The following FGD2 variants were observed in gnomAD, a reference collection of about 807,000 sequenced individuals.
FGD2 encodes FYVE, RhoGEF and PH domain containing 2.
Under a neutral mutation model 75.9 loss-of-function variants are expected in FGD2, and 52 were observed. The observed-to-expected ratio is 0.69, with a 90% CI of 0.55 to 0.86. The LOEUF (loss-of-function observed/expected upper bound fraction) is 0.86, where lower values mean the gene tolerates loss of function less well. Ranked by LOEUF, FGD2 falls within the 40% of genes least tolerant of loss-of-function variation. FGD2 has a pLI of 0.00. For synonymous variants in FGD2, 347 were observed against 348.6 expected, an observed-to-expected ratio of 1.00 and a Z score of 0.05; for missense variants, 790 against 872.0, an observed-to-expected ratio of 0.91 and a Z score of 1.18.
At chr6:37,010,264 T>C (rs1764943863) in intron 2 of FGD2, among the ~76,000 whole-genome samples, 1 of 152,210 alleles carries the variant, frequency 6.6e-6, no homozygotes, top group African/African-American at 2.4e-5. Flanking sequence ...GTCTCTGTTC[T>C]TGGCTTGAAG....
At chr6:37,007,350 G>A (rs985515158) in intron 1 of FGD2, among the ~76,000 whole-genome samples, 8 of 152,160 alleles carry the variant, frequency 5.3e-5, no homozygotes, top group Non-Finnish European at 1.2e-4. Context: ...GCCTCTCCCG[G>A]GATCTTTGCC....
intron 11 of FGD2, among the ~76,000 whole-genome samples, chr6:37,021,191 C>T (rs1765576184): frequency 6.6e-6 from 1 of 152,018 alleles, no homozygotes; most frequent in African/African-American, 2.4e-5. Flanking sequence ...CCTGCGTGTG[C>T]TCAGCTGCTC....
At chr6:37,018,881 G>A (rs1765433697) in intron 9 of FGD2, among the ~76,000 whole-genome samples, 1 of 152,202 alleles carries the variant, frequency 6.6e-6, no homozygotes, top group Non-Finnish European at 1.5e-5. Flanking sequence ...CAAACGTACT[G>A]TATGGACTAG....
intron 2 of FGD2, among the ~76,000 whole-genome samples, chr6:37,010,583 A>G (rs1272945919): frequency 2.0e-5 from 3 of 152,206 alleles, no homozygotes; most frequent in Non-Finnish European, 4.4e-5. Context: ...GGGCAGGGAC[A>G]GCCGGAAGAC....
intron 2 of FGD2, 102 bp downstream of exon 2, chr6:37,009,167 G>A (rs926904720): frequency 4.2e-6 from 5 of 1,178,540 alleles, no homozygotes; most frequent in Non-Finnish European, 4.8e-6. Flanking sequence ...CAGTTCCCCA[G>A]GTGGGGGTAT....
chr6:37,024,521 T>G (rs752084058), intron 13 of FGD2: 2 of 151,998 alleles, frequency 1.3e-5, no homozygotes, highest in Admixed American at 1.3e-4. Context: ...TACATACATA[T>G]AGAGAGAGAC....
chr6:37,026,533 TG>T (rs76003175), intron 14 of FGD2, among the ~76,000 whole-genome samples: 8,768 of 152,186 alleles, frequency 0.058, 549 homozygotes, highest in East Asian at 0.32. Context: ...TGCTCCCCTG[TG>T]GGGGTACAAC....
At chr6:37,014,270 T>C in intron 6 of FGD2, 170 bp downstream of exon 6, 1 of 827,988 alleles carries the variant, frequency 1.2e-6, no homozygotes, top group South Asian at 1.8e-5. Flanking sequence ...ATGAGGACAC[T>C]AAGGCCCAGA....
chr6:37,027,614 C>T (rs201103596), intron 15 of FGD2, 39 bp downstream of exon 15: 2 of 1,611,548 alleles, frequency 1.2e-6, no homozygotes, highest in Non-Finnish European at 1.7e-6. Context: ...CAGGCCCTGG[C>T]CTTCCCACAG....
rs1764716053 is a variant in FGD2, at chr6:37,005,697, T to C, written c.-121T>C. On this transcript the variant is annotated 5_prime_UTR_variant, in exon 1 of 16. Coordinates refer to ENST00000274963, the MANE Select transcript of FGD2 (RefSeq NM_173558.4). ...CGACCTTCTGAGCCCTCAAGAAAGATCAGAACAGATTCATGGGTGATTTAG... is the reference window on the plus strand; with the variant it reads ...CGACCTTCTGAGCCCTCAAGAAAGACCAGAACAGATTCATGGGTGATTTAG... 1.5e-5 allele frequency: 16 copies of C among 1,073,670 alleles called. No homozygotes were observed. Among genetic ancestry groups the C allele is most frequent in the Non-Finnish European group, 2.1e-5 (15 of 714,742 alleles). 66.5% of individuals were successfully genotyped at this position (1,073,670 alleles called of 1,614,324 possible).
chr6:37,022,571 T>G (rs1765643703), intron 13 of FGD2: 5 of 612,518 alleles, frequency 8.2e-6, no homozygotes, highest in Non-Finnish European at 1.2e-5. Flanking sequence ...CTATCTTTCC[T>G]ACCTAGGCTT....
At chr6:37,011,167 C>A in intron 3 of FGD2, 117 bp downstream of exon 3, 1 of 1,007,784 alleles carries the variant, frequency 9.9e-7, no homozygotes, top group Non-Finnish European at 1.5e-6. Flanking sequence ...GCTTTGACTC[C>A]AGGAAGCCTT....
At chr6:37,021,175 C>T (rs1476452026) in intron 11 of FGD2, among the ~76,000 whole-genome samples, 1 of 151,930 alleles carries the variant, frequency 6.6e-6, no homozygotes, top group African/African-American at 2.4e-5. Flanking sequence ...TGTGCATGCT[C>T]CCACACCTGC....
intron 2 of FGD2, chr6:37,009,671 TA>T (rs1360820434): frequency 1.3e-5 from 2 of 152,210 alleles, no homozygotes; most frequent in East Asian, 1.9e-4. Flanking sequence ...GGATAGTGGT[TA>T]TAGTAATGCG....
chr6:37,021,512 G>A lies in FGD2; in HGVS notation c.1234G>A (p.Ala412Thr), dbSNP rs755217529. The A allele has an allele frequency of 6.2e-7, 1 of 1,612,956 alleles. No homozygotes were observed. Residue 412 changes from alanine (A) to threonine (T), a missense_variant and splice_region_variant, in exon 12 of 16, where the codon GCC becomes ACC. Ala to Thr is a moderately conservative substitution (Grantham distance 58, BLOSUM62 0). Coordinates refer to ENST00000274963, the MANE Select transcript of FGD2 (RefSeq NM_173558.4). ...GACCCTCCCCCTCCCTGCACCCCAG[G>A]CCTTCCAAGCAGCCATTGACCAAAT... Reference protein sequence around the residue: ...SQEEMISWMQAFQAAIDQIEK... With the variant: ...SQEEMISWMQTFQAAIDQIEK...
chr6:37,013,285 T>G (rs1765111162), intron 4 of FGD2: 1 of 289,834 alleles, frequency 3.5e-6, no homozygotes. Context: ...CATCATGTCC[T>G]GGGTAGTGCT....
At chr6:37,024,719 T>A (rs1158653665) in intron 13 of FGD2, 1 of 152,254 alleles carries the variant, frequency 6.6e-6, no homozygotes, top group Non-Finnish European at 1.5e-5. Context: ...CTGAGGTAGC[T>A]GAAGCCCCCG....
chr6:37,014,428 G>A, intron 6 of FGD2: 1 of 634,428 alleles, frequency 1.6e-6, no homozygotes, highest in Non-Finnish European at 2.7e-6. Context: ...AGTCACCAAA[G>A]CCAAACACCT....
At chr6:37,017,457 G>A (rs1167962678) in intron 9 of FGD2, among the ~76,000 whole-genome samples, 1 of 152,232 alleles carries the variant, frequency 6.6e-6, no homozygotes, top group Non-Finnish European at 1.5e-5. Flanking sequence ...TTCAGATGCA[G>A]GTGTAACAAA....
Sources: gnomAD v4.1 joint callset for allele counts (sites outside exome capture counted in the v4.1 genomes callset) on GRCh38, gnomAD v4.1.1 for gene constraint, MANE v1.5 for transcripts, NCBI Gene and HGNC (gene_info 2026-07-23, HGNC 2026-07-21) for gene names.